MACROD2: variants seen among roughly 807,000 people sequenced by gnomAD.
The protein encoded by MACROD2 is ADP-ribose glycohydrolase MACROD2.
MACROD2 carries 36 observed loss-of-function variants against 70.4 expected under a neutral mutation model. The observed-to-expected ratio is 0.51, with a 90% CI of 0.39 to 0.68. The LOEUF is 0.68. Among genes scored for constraint, MACROD2 ranks in the 30% least tolerant of loss-of-function variants. The pLI, the probability that MACROD2 is intolerant of heterozygous loss-of-function variation, is 0.00. For missense variants in MACROD2, 496 were observed against 538.4 expected (o/e 0.92, Z 0.78); for synonymous variants, 172 against 178.8 (o/e 0.96, Z 0.30).
intron 3 of MACROD2, among the ~76,000 whole-genome samples, chr20:14,241,736 A>G (rs1326955213): frequency 6.6e-6 from 1 of 152,110 alleles, no homozygotes; most frequent in African/African-American, 2.4e-5. Context: ...GTGAGTGGGA[A>G]TATCCTTACA....
intron 5 of MACROD2, among the ~76,000 whole-genome samples, chr20:14,859,191 C>A (rs150020437): frequency 1.3e-5 from 2 of 151,810 alleles, no homozygotes; most frequent in Non-Finnish European, 2.9e-5. Flanking sequence ...AGAACCTATC[C>A]GTGTAACCAA....
chr20:14,776,511 C>T (rs1385621836), intron 5 of MACROD2, among the ~76,000 whole-genome samples: 1 of 151,992 alleles, frequency 6.6e-6, no homozygotes, highest in Non-Finnish European at 1.5e-5. Context: ...CCCTTTCTAG[C>T]CACATATGGC....
chr20:14,269,923 A>G (rs114165011), intron 3 of MACROD2, among the ~76,000 whole-genome samples: 2,311 of 152,054 alleles, frequency 0.015, 25 homozygotes, highest in African/African-American at 0.027. Context: ...CCTGGGAAAA[A>G]TTCTTGTTAT....
At chr20:14,786,872 G>A (rs768285839) in intron 5 of MACROD2, among the ~76,000 whole-genome samples, 3 of 152,028 alleles carry the variant, frequency 2.0e-5, no homozygotes, top group Non-Finnish European at 4.4e-5. Flanking sequence ...CTCCAAATAC[G>A]TATAAAGAAA....
chr20:14,389,337 G>A (rs1034175120), intron 3 of MACROD2, among the ~76,000 whole-genome samples: 10 of 147,192 alleles, frequency 6.8e-5, no homozygotes, highest in Non-Finnish European at 1.3e-4. Context: ...CAGGAGAATC[G>A]CTTGAACCCG....
At chr20:15,480,488 G>A (rs1171922034) in intron 7 of MACROD2, among the ~76,000 whole-genome samples, 2 of 152,048 alleles carry the variant, frequency 1.3e-5, no homozygotes, top group African/African-American at 4.8e-5. Flanking sequence ...CTTTTGTGAG[G>A]GTTGTTTTAT....
chr20:14,326,143 G>C lies in MACROD2; in HGVS notation c.272-167336G>C, dbSNP rs1368830218. The C allele has an allele frequency of 2.5e-6, 4 of 1,613,860 alleles. No individual in the cohort carries two copies. In the South Asian group the frequency reaches 3.3e-5, roughly 13 times the overall value. On this transcript the variant is annotated intron_variant, in intron 3 of 17. Transcript: ENST00000684519. This position sits in a 1 kb window ranked among gnomAD's most constrained non-coding sequence, Gnocchi z 5.5. The stretch of plus-strand genomic sequence containing the variant: ...CTCACTGCGTTCCCCTGTTACAATT[G>C]TTTCTGTTATAGATCCAAATGCCGG...
At chr20:15,976,509 C>G (rs1043018383) in intron 13 of MACROD2, among the ~76,000 whole-genome samples, 31 of 152,182 alleles carry the variant, frequency 2.0e-4, no homozygotes, top group African/African-American at 7.2e-5. Context: ...AAGCTTGCCC[C>G]CATGGGGCCA....
At chr20:14,695,630 G>A (rs2071115945) in intron 5 of MACROD2, among the ~76,000 whole-genome samples, 1 of 152,184 alleles carries the variant, frequency 6.6e-6, no homozygotes, top group Admixed American at 6.5e-5. Context: ...ACCTTCTGGA[G>A]AGGCTTGTAT....
intron 5 of MACROD2, among the ~76,000 whole-genome samples, chr20:15,221,534 C>T (rs940142093): frequency 1.3e-5 from 2 of 152,172 alleles, no homozygotes; most frequent in African/African-American, 4.8e-5. Context: ...ATCCCTTTTC[C>T]ATGAGTTTCA....
intron 15 of MACROD2, among the ~76,000 whole-genome samples, chr20:16,009,280 T>C (rs2066830060): frequency 6.6e-6 from 1 of 152,176 alleles, no homozygotes; most frequent in South Asian, 2.1e-4. Context: ...ACAGTCACAG[T>C]TGACATTTGT....
intron 6 of MACROD2, among the ~76,000 whole-genome samples, chr20:15,273,382 T>C (rs79616386): frequency 0.015 from 2,261 of 151,784 alleles, 57 homozygotes; most frequent in African/African-American, 0.052. Context: ...CTGTGGGACC[T>C]TGTGAGCATG....
chr20:15,730,507 A>G (rs563273896), intron 8 of MACROD2, among the ~76,000 whole-genome samples: 5 of 152,312 alleles, frequency 3.3e-5, no homozygotes, highest in Admixed American at 2.6e-4. Flanking sequence ...AATGCTGACT[A>G]TAGCCCTCAA....
intron 3 of MACROD2, among the ~76,000 whole-genome samples, chr20:14,176,637 T>G (rs188087524): frequency 6.6e-6 from 1 of 152,304 alleles, no homozygotes; most frequent in Non-Finnish European, 1.5e-5. Flanking sequence ...TAGCATTCAG[T>G]TTTTCCTGTT....
intron 5 of MACROD2, among the ~76,000 whole-genome samples, chr20:14,844,356 G>A (rs443038): frequency 0.6 from 90,777 of 151,214 alleles, 28,071 homozygotes; most frequent in Non-Finnish European, 0.67. Flanking sequence ...TCTACTAAAA[G>A]TACAAAAAAA....
At chr20:15,206,721 GTTTTT>G (rs56752104) in intron 5 of MACROD2, among the ~76,000 whole-genome samples, 44 of 33,004 alleles carry the variant, frequency 1.3e-3, no homozygotes, top group Admixed American at 1.5e-3. Flanking sequence ...TATTATCTAT[GTTTTT>G]TTTTTTTTTT....
chr20:15,406,286 T>C (rs79604158), intron 6 of MACROD2, among the ~76,000 whole-genome samples: 105 of 152,326 alleles, frequency 6.9e-4, no homozygotes, highest in Middle Eastern at 3.4e-3. Context: ...ATTGGGCTGT[T>C]AGGTCATGTC....
chr20:14,259,053 C>T (rs953040609), intron 3 of MACROD2, among the ~76,000 whole-genome samples: 4 of 152,216 alleles, frequency 2.6e-5, no homozygotes, highest in African/African-American at 7.2e-5. Context: ...AGCAATTCCC[C>T]TGCCTCAGCC....
At chr20:15,669,047 G>A (rs1484927772) in intron 8 of MACROD2, among the ~76,000 whole-genome samples, 1 of 152,204 alleles carries the variant, frequency 6.6e-6, no homozygotes, top group African/African-American at 2.4e-5. Context: ...AGCATTTAGA[G>A]CTAGAAGGGA....
Sources: allele counts gnomAD v4.1 joint callset (sites outside exome capture counted in the v4.1 genomes callset), GRCh38; gene constraint gnomAD v4.1.1; non-coding constraint Gnocchi (gnomAD v3.1); transcripts MANE v1.5; gene names NCBI Gene and HGNC (gene_info 2026-07-23, HGNC 2026-07-21).